FBXL22: variants seen among roughly 807,000 people sequenced by gnomAD.
The protein encoded by FBXL22 is F-box and leucine-rich protein 22.
FBXL22 carries 13 observed loss-of-function variants against 11.7 expected under a neutral mutation model. The observed-to-expected ratio is 1.11, with a 90% confidence interval of 0.73 to 1.77. The LOEUF (loss-of-function observed/expected upper bound fraction) is 1.77. Among genes scored for constraint, FBXL22 ranks in the 40% most tolerant of loss-of-function variants. The pLI is 0.00. For missense variants in FBXL22, 406 were observed against 320.4 expected, an observed-to-expected ratio of 1.27 and a Z score of -2.04; for synonymous variants, 160 against 144.1, an observed-to-expected ratio of 1.11 and a Z score of -0.79.
chr15:63,597,800 T>G lies in FBXL22; in HGVS notation c.353+55T>G. 1 of 1,489,124 alleles carries G rather than the reference T, an allele frequency of 6.7e-7. No homozygotes were observed. The highest frequency in any genetic ancestry group is 9.0e-7 in the Non-Finnish European group (1 of 1,112,268). The allele number at this position is 1,489,124 out of a possible 1,614,324, so 92.2% of individuals were successfully genotyped here. A position where few individuals can be genotyped will look rare whatever the true frequency, so the allele number is the denominator to read the frequency against. On this transcript the variant is annotated intron_variant, in intron 1 of 1. Coordinates refer to ENST00000638704, the MANE Select transcript of FBXL22 (RefSeq NM_001367807.1). This position sits in a 1 kb window ranked among gnomAD's most constrained non-coding sequence, Gnocchi z 4.3. ...GGCCCCGCTAGCTCTGGCTTCCCTC[T>G]TGGGGGGCAGGGAAGAGCAAATTAC...
At chr15:63,603,790 G>A (rs2067399443), downstream of FBXL22, among the ~76,000 whole-genome samples, 1 of 152,232 alleles carries the variant, frequency 6.6e-6, no homozygotes, top group Non-Finnish European at 1.5e-5. Flanking sequence ...AGCCAGCTCT[G>A]TCACACCACC....
chr15:63,605,225 C>T (rs764002231), downstream of FBXL22, among the ~76,000 whole-genome samples: 2 of 152,160 alleles, frequency 1.3e-5, no homozygotes, highest in Non-Finnish European at 2.9e-5. Context: ...GTGACTCAGC[C>T]CTAGTTAGAA....
chr15:63,599,788 CCTT>C, intron 1 of FBXL22: 2 of 986,238 alleles, frequency 2.0e-6, no homozygotes, highest in Non-Finnish European at 2.4e-6. Flanking sequence ...ATTAGTCGGT[CCTT>C]CTGGACTGGA....
chr15:63,604,286 G>A (rs1210892980), downstream of FBXL22, among the ~76,000 whole-genome samples: 2 of 152,154 alleles, frequency 1.3e-5, no homozygotes, highest in African/African-American at 4.8e-5. Context: ...GTCACTATAG[G>A]TTGAGCTAGA....
chr15:63,597,494 G>A lies in FBXL22; in HGVS notation c.102G>A (p.Arg34=). Residue 34 remains arginine (R), a synonymous_variant, in exon 1 of 2, where the codon AGG becomes AGA. Coordinates refer to ENST00000638704, the MANE Select transcript of FBXL22 (RefSeq NM_001367807.1). This position sits in a 1 kb window ranked among gnomAD's most constrained non-coding sequence, Gnocchi z 4.3. ...AGGACAGCAGGAAGAGCCTTGCCAG[G>A]ACCTGCTCCCAGCTCCACGACGTGT... ...LDKDSRKSLA[R]TCSQLHDVFE... 1 of 1,614,120 alleles carries A rather than the reference G, an allele frequency of 6.2e-7. No homozygotes were observed. The highest frequency in any genetic ancestry group is 8.5e-7 in the Non-Finnish European group (1 of 1,180,034).
At chr15:63,601,337 C>T, downstream of FBXL22, 1 of 1,602,640 alleles carries the variant, frequency 6.2e-7, no homozygotes. Context: ...GAGGCGCCTG[C>T]ACCGTCCTCG....
downstream of FBXL22, among the ~76,000 whole-genome samples, chr15:63,606,051 G>T (rs756613817): frequency 6.6e-6 from 1 of 152,188 alleles, no homozygotes; most frequent in Non-Finnish European, 1.5e-5. Flanking sequence ...GGAAGTGACT[G>T]AGCCACCCCG....
Sources: allele counts gnomAD v4.1 joint callset (sites outside exome capture counted in the v4.1 genomes callset), GRCh38; gene constraint gnomAD v4.1.1; non-coding constraint Gnocchi (gnomAD v3.1); transcripts MANE v1.5; gene names NCBI Gene and HGNC (gene_info 2026-07-23, HGNC 2026-07-21).